The following NEK10 variants were observed in gnomAD, a reference collection of about 807,000 sequenced individuals.
NEK10 encodes the protein NIMA related kinase 10, also known as serine/threonine-protein kinase Nek10.
NEK10 carries 122 observed loss-of-function variants against 159.8 expected under a neutral mutation model. The observed-to-expected ratio is 0.76, with a 90% CI of 0.66 to 0.89. NEK10 has a LOEUF of 0.89. Ranked by LOEUF, NEK10 falls within the 40% of genes least tolerant of loss-of-function variation. The pLI is 0.00. For synonymous variants in NEK10, 466 were observed against 457.1 expected, an observed-to-expected ratio of 1.02 and a Z score of -0.25; for missense variants, 1,342 against 1,323.1, an observed-to-expected ratio of 1.01 and a Z score of -0.22.
chr3:27,152,107 A>G (rs1158008031), intron 30 of NEK10, among the ~76,000 whole-genome samples: 2 of 152,234 alleles, frequency 1.3e-5, no homozygotes, highest in African/African-American at 2.4e-5. Flanking sequence ...TAGCCTTGCT[A>G]GAGACCTAGA....
intron 28 of NEK10, among the ~76,000 whole-genome samples, chr3:27,172,565 G>C (rs548773401): frequency 6.6e-6 from 1 of 151,952 alleles, no homozygotes; most frequent in Non-Finnish European, 1.5e-5. Context: ...CAGATGAATG[G>C]ATAAAGAAAA....
chr3:27,297,573 G>T (rs1575632950), intron 13 of NEK10, among the ~76,000 whole-genome samples: 2 of 152,122 alleles, frequency 1.3e-5, no homozygotes, highest in East Asian at 3.8e-4. Flanking sequence ...CACTTAGCAG[G>T]TGCTCAACAA....
chr3:27,222,308 G>A (rs1017971623), intron 23 of NEK10, among the ~76,000 whole-genome samples: 1 of 152,214 alleles, frequency 6.6e-6, no homozygotes, highest in Non-Finnish European at 1.5e-5. Flanking sequence ...GAGAGGCAGA[G>A]GTGGCAGTGA....
Position 27,346,181 on chromosome 3 carries a change from G to A in NEK10, c.168C>T (p.Ser56=). The A allele has an allele frequency of 6.2e-7, 1 of 1,613,632 alleles. No individual in the cohort carries two copies. The highest frequency in any genetic ancestry group is 1.1e-5 in the South Asian group (1 of 91,082). The change falls in exon 4 of 36, where the codon AGC becomes AGT. Residue 56 remains serine, a synonymous_variant. Coordinates refer to ENST00000691995, the MANE Select transcript of NEK10 (RefSeq NM_001394966.1). Reference sequence around the variant, plus strand: ...TGATGGCGGGCTCAGACTTCGTCATGCTATTTTGGGCACTATCGAAGTTAA... The same window carrying A: ...TGATGGCGGGCTCAGACTTCGTCATACTATTTTGGGCACTATCGAAGTTAA... The part of the protein sequence containing the change: ...PAINFDSAQN[S]MTKSEPAIRA...
intron 29 of NEK10, among the ~76,000 whole-genome samples, chr3:27,169,787 C>T (rs528103769): frequency 6.6e-6 from 1 of 152,294 alleles, no homozygotes; most frequent in African/African-American, 2.4e-5. Context: ...CCAGCACTAA[C>T]ACCTGCTCCC....
At chr3:27,261,502 G>T (rs1424127358) in intron 22 of NEK10, among the ~76,000 whole-genome samples, 3 of 152,168 alleles carry the variant, frequency 2.0e-5, no homozygotes, top group Non-Finnish European at 2.9e-5. Flanking sequence ...TTCAGGAGAA[G>T]GTTGTTCAGT....
At chr3:27,171,723 C>T (rs1224785150) in intron 29 of NEK10, 96 bp downstream of exon 29, 2 of 1,267,040 alleles carry the variant, frequency 1.6e-6, no homozygotes, top group African/African-American at 1.5e-5. Flanking sequence ...TCCGCAGGCA[C>T]ATGGAAACTT....
intron 13 of NEK10, among the ~76,000 whole-genome samples, chr3:27,301,344 G>A (rs1162112855): frequency 6.6e-6 from 1 of 152,144 alleles, no homozygotes; most frequent in Non-Finnish European, 1.5e-5. Flanking sequence ...CTTATGTAGG[G>A]TGCCCTGGGA....
At chr3:27,157,145 A>T (rs571164316) in intron 30 of NEK10, among the ~76,000 whole-genome samples, 2 of 151,642 alleles carry the variant, frequency 1.3e-5, no homozygotes, top group Non-Finnish European at 2.9e-5. Context: ...ATGCAAAGGC[A>T]TGATAATGAT....
At chr3:27,180,112 G>A (rs1324868254) in intron 26 of NEK10, among the ~76,000 whole-genome samples, 1 of 151,710 alleles carries the variant, frequency 6.6e-6, no homozygotes. Context: ...AAGAAACAAT[G>A]GGCCAGGCAT....
chr3:27,351,181 A>G (rs2047944014), intron 3 of NEK10, among the ~76,000 whole-genome samples: 1 of 149,066 alleles, frequency 6.7e-6, no homozygotes. Flanking sequence ...GTGAGATTTT[A>G]TAAGAAAGAA....
intron 1 of NEK10, among the ~76,000 whole-genome samples, chr3:27,359,132 G>T (rs952235297): frequency 2.7e-5 from 4 of 149,736 alleles, no homozygotes; most frequent in Non-Finnish European, 5.9e-5. Flanking sequence ...AACCCAGGAG[G>T]CAGAGGTTGC....
intron 4 of NEK10, 54 bp downstream of exon 4, chr3:27,346,032 T>C (rs879940125): frequency 1.9e-6 from 3 of 1,570,076 alleles, no homozygotes; most frequent in Non-Finnish European, 2.6e-6. Context: ...TAAATAAAAC[T>C]GTGAGCTAAG....
At chr3:27,124,316 G>C (rs1194824864) in intron 32 of NEK10, among the ~76,000 whole-genome samples, 1 of 152,164 alleles carries the variant, frequency 6.6e-6, no homozygotes, top group Non-Finnish European at 1.5e-5. Flanking sequence ...ACTAATGCAA[G>C]AGAGAAGGGC....
chr3:27,251,024 T>C (rs1428155448), intron 23 of NEK10, among the ~76,000 whole-genome samples: 2 of 152,178 alleles, frequency 1.3e-5, no homozygotes, highest in African/African-American at 2.4e-5. Flanking sequence ...TATTATCTAG[T>C]GAGTGCTTAC....
intron 26 of NEK10, among the ~76,000 whole-genome samples, chr3:27,190,579 T>G (rs1290852876): frequency 6.6e-6 from 1 of 152,198 alleles, no homozygotes; most frequent in Non-Finnish European, 1.5e-5. Flanking sequence ...GACTTTCTGC[T>G]GTTAGATTGT....
At chr3:27,328,374 G>A (rs1050480917) in intron 5 of NEK10, among the ~76,000 whole-genome samples, 2 of 152,126 alleles carry the variant, frequency 1.3e-5, no homozygotes, top group Non-Finnish European at 2.9e-5. Flanking sequence ...TGAGTACTGG[G>A]CATGCTATTT....
chr3:27,224,702 C>T (rs1257147375), intron 23 of NEK10, among the ~76,000 whole-genome samples: 1 of 152,158 alleles, frequency 6.6e-6, no homozygotes, highest in Non-Finnish European at 1.5e-5. Context: ...GGGATTACTA[C>T]CTCTCCTCTC....
At chr3:27,168,698 C>T (rs1171983511) in intron 29 of NEK10, among the ~76,000 whole-genome samples, 1 of 152,162 alleles carries the variant, frequency 6.6e-6, no homozygotes, top group African/African-American at 2.4e-5. Context: ...AACCTGTGTT[C>T]CCTGGTGGCA....
Sources: allele counts gnomAD v4.1 joint callset (sites outside exome capture counted in the v4.1 genomes callset), GRCh38; gene constraint gnomAD v4.1.1; transcripts MANE v1.5; gene names NCBI Gene and HGNC (gene_info 2026-07-23, HGNC 2026-07-21).